DLGAP2: variants seen among roughly 807,000 people sequenced by gnomAD.
DLGAP2 encodes the protein disks large-associated protein 2.
In DLGAP2, 26 loss-of-function variants were observed where a neutral mutation model predicts 100.3. The observed-to-expected ratio is 0.26, with a 90% CI of 0.19 to 0.36. The LOEUF (loss-of-function observed/expected upper bound fraction) is 0.36, where lower values mean the gene tolerates loss of function less well. DLGAP2 is among the 10% of genes least tolerant of loss of function. The pLI, the probability that DLGAP2 is intolerant of heterozygous loss-of-function variation, is 1.00. For synonymous variants in DLGAP2, 886 were observed against 630.1 expected, an observed-to-expected ratio of 1.41 and a Z score of -6.08; for missense variants, 1,858 against 1,453.2, an observed-to-expected ratio of 1.28 and a Z score of -4.53.
At chr8:1,208,526 G>A (rs1274231246) in intron 2 of DLGAP2, among the ~76,000 whole-genome samples, 7 of 152,140 alleles carry the variant, frequency 4.6e-5, no homozygotes. Context: ...ACATTATACT[G>A]AACAGGGAAA....
chr8:1,169,142 C>T (rs1266984440), intron 2 of DLGAP2, among the ~76,000 whole-genome samples: 1 of 151,248 alleles, frequency 6.6e-6, no homozygotes, highest in Non-Finnish European at 1.5e-5. Context: ...ATAGGGAATC[C>T]TTTCCCCATT....
chr8:1,198,661 C>T (rs1797804867), intron 2 of DLGAP2, among the ~76,000 whole-genome samples: 1 of 152,184 alleles, frequency 6.6e-6, no homozygotes. Context: ...GCCGCTCAGG[C>T]CCAGCTCCAC....
At chr8:1,624,999 A>T (rs903256929) in intron 6 of DLGAP2, among the ~76,000 whole-genome samples, 9 of 152,192 alleles carry the variant, frequency 5.9e-5, no homozygotes, top group African/African-American at 1.7e-4. Flanking sequence ...TAAATCTATA[A>T]TGAATAAGCT....
chr8:1,095,391 C>A (rs376903721), intron 2 of DLGAP2, among the ~76,000 whole-genome samples: 14 of 152,332 alleles, frequency 9.2e-5, no homozygotes, highest in African/African-American at 3.1e-4. Context: ...ACCCCAAGCT[C>A]ACCCTCGCCC....
chr8:1,457,301 A>C (rs1444135911), intron 3 of DLGAP2, among the ~76,000 whole-genome samples: 5 of 152,216 alleles, frequency 3.3e-5, no homozygotes, highest in Non-Finnish European at 5.9e-5. Flanking sequence ...GCTGGCAACC[A>C]CAGAAATGGT....
chr8:1,292,625 A>T (rs1585228775), intron 3 of DLGAP2, among the ~76,000 whole-genome samples: 2 of 152,328 alleles, frequency 1.3e-5, no homozygotes, highest in Admixed American at 1.3e-4. Context: ...GCAAAAAGAC[A>T]ACACATATTC....
chr8:1,583,138 C>T (rs914761783), intron 6 of DLGAP2, among the ~76,000 whole-genome samples: 3 of 152,078 alleles, frequency 2.0e-5, no homozygotes, highest in Admixed American at 6.5e-5. Flanking sequence ...TATTCTTGTA[C>T]GGGAAGAGAA....
At chr8:1,286,148 G>A (rs1452243351) in intron 3 of DLGAP2, among the ~76,000 whole-genome samples, 2 of 152,198 alleles carry the variant, frequency 1.3e-5, no homozygotes, top group Non-Finnish European at 2.9e-5. Flanking sequence ...CTGGTCTAGT[G>A]ATAGTGAGTT....
chr8:1,509,986 C>T (rs1378789302), intron 4 of DLGAP2, among the ~76,000 whole-genome samples: 1 of 152,194 alleles, frequency 6.6e-6, no homozygotes, highest in Non-Finnish European at 1.5e-5. Context: ...TCCACGTTAA[C>T]TTCATGTGTT....
intron 2 of DLGAP2, among the ~76,000 whole-genome samples, chr8:1,164,819 A>G (rs1796982581): frequency 6.6e-6 from 1 of 152,046 alleles, no homozygotes; most frequent in Non-Finnish European, 1.5e-5. Context: ...TGCGTGTGAC[A>G]GTGAGAATAC....
At chr8:927,229 A>C in intron 2 of DLGAP2, 2 of 985,352 alleles carry the variant, frequency 2.0e-6, no homozygotes, top group Non-Finnish European at 2.4e-6. Flanking sequence ...AACATGATCC[A>C]TTATGGGGGA....
At chr8:1,236,900 ATGTTTAGTTCTCTCACATGGTG>A (rs1798667322) in intron 2 of DLGAP2, among the ~76,000 whole-genome samples, 1 of 80,542 alleles carries the variant, frequency 1.2e-5, no homozygotes. Context: ...ACATGGCGCC[ATGTTTAGTTCTCTCACATGGTG>A]CCGTGTCTAG....
At chr8:1,533,100 T>TA (rs1801036576) in intron 4 of DLGAP2, among the ~76,000 whole-genome samples, 1 of 149,642 alleles carries the variant, frequency 6.7e-6, no homozygotes. Flanking sequence ...TTTGTCATGT[T>TA]AAAAAATGTG....
chr8:1,344,190 G>T (rs5028024), intron 3 of DLGAP2, among the ~76,000 whole-genome samples: 28 of 113,264 alleles, frequency 2.5e-4, no homozygotes, highest in East Asian at 1.7e-3. Context: ...TCGTGGGTCC[G>T]TGTACTCGGG....
intron 1 of DLGAP2, among the ~76,000 whole-genome samples, chr8:869,953 TC>T (rs1029754420): frequency 2.6e-5 from 4 of 151,310 alleles, no homozygotes; most frequent in Admixed American, 2.0e-4. Flanking sequence ...GGTGGTTTCT[TC>T]AGGAGAGCAG....
intron 4 of DLGAP2, among the ~76,000 whole-genome samples, chr8:1,508,210 C>T (rs1414400760): frequency 1.3e-5 from 2 of 151,684 alleles, no homozygotes; most frequent in East Asian, 1.9e-4. Context: ...AGCTTTTCTC[C>T]TAAACATCAC....
chr8:1,622,606 C>T (rs1449973398), intron 6 of DLGAP2, among the ~76,000 whole-genome samples: 1 of 152,224 alleles, frequency 6.6e-6, no homozygotes, highest in Non-Finnish European at 1.5e-5. Flanking sequence ...TATGGATTCA[C>T]TTGCACAGCT....
rs189640233 is a variant in DLGAP2, at chr8:1,258,444, G to T, written c.74-407G>T. 4.4e-3 allele frequency among the ~76,000 whole-genome samples: 662 copies of T among 151,970 alleles called. 3 individuals are homozygous for T. The highest frequency in any genetic ancestry group is 7.1e-3 in the Admixed American group (109 of 15,268). On this transcript the variant is annotated intron_variant, in intron 2 of 14. Coordinates refer to ENST00000637795, the MANE Select transcript of DLGAP2 (RefSeq NM_001346810.2). ...ACTGGGGCCTGTCGGTGGGTGGGGGGGAAGAGGGGAGGGAGAGCATTAGAA... is the reference window on the plus strand; with the variant it reads ...ACTGGGGCCTGTCGGTGGGTGGGGGTGAAGAGGGGAGGGAGAGCATTAGAA...
chr8:1,663,175 A>T (rs1585043020), intron 8 of DLGAP2, among the ~76,000 whole-genome samples: 1 of 147,482 alleles, frequency 6.8e-6, no homozygotes, highest in East Asian at 2.1e-4. Flanking sequence ...CTGTGTGTAC[A>T]CGTGTGAGTG....
Sources: gnomAD v4.1 joint callset for allele counts (sites outside exome capture counted in the v4.1 genomes callset) on GRCh38, gnomAD v4.1.1 for gene constraint, MANE v1.5 for transcripts, NCBI Gene and HGNC (gene_info 2026-07-23, HGNC 2026-07-21) for gene names.